TSNARE1: variants seen among roughly 807,000 people sequenced by gnomAD.
The protein encoded by TSNARE1 is t-SNARE domain-containing protein 1.
Under a neutral mutation model 62.0 loss-of-function variants are expected in TSNARE1, and 49 were observed. The observed-to-expected ratio is 0.79, with a 90% confidence interval of 0.63 to 1.00. The LOEUF is 1.00. Among genes scored for constraint, TSNARE1 ranks in the 50% least tolerant of loss-of-function variants. The pLI is 0.00. For missense variants in TSNARE1, 755 were observed against 700.1 expected, an observed-to-expected ratio of 1.08 and a Z score of -0.88; for synonymous variants, 328 against 294.4, an observed-to-expected ratio of 1.11 and a Z score of -1.17.
At chr8:142,244,041 C>T (rs948356688) in intron 12 of TSNARE1, among the ~76,000 whole-genome samples, 1 of 152,160 alleles carries the variant, frequency 6.6e-6, no homozygotes, top group Non-Finnish European at 1.5e-5. Context: ...AAAAAATTAG[C>T]CGGGCGTGGT....
intron 6 of TSNARE1, among the ~76,000 whole-genome samples, chr8:142,330,613 C>A (rs1830872846): frequency 6.6e-6 from 1 of 152,228 alleles, no homozygotes; most frequent in East Asian, 1.9e-4. Context: ...CAGGCATGCA[C>A]CCCCTGACCT....
intron 10 of TSNARE1, among the ~76,000 whole-genome samples, chr8:142,293,437 A>G (rs1824150746): frequency 6.6e-6 from 1 of 151,942 alleles, no homozygotes; most frequent in Non-Finnish European, 1.5e-5. Context: ...AGGCAGTTAC[A>G]CTCCACCGTG....
At chr8:142,327,820 C>T (rs959653204) in intron 6 of TSNARE1, among the ~76,000 whole-genome samples, 1 of 152,224 alleles carries the variant, frequency 6.6e-6, no homozygotes, top group East Asian at 1.9e-4. Flanking sequence ...ACGCAAGTCC[C>T]GGGCCAGGAA....
intron 13 of TSNARE1, among the ~76,000 whole-genome samples, chr8:142,218,413 T>C (rs1009697829): frequency 1.3e-5 from 2 of 152,152 alleles, no homozygotes; most frequent in African/African-American, 4.8e-5. Flanking sequence ...CTTCACTGTG[T>C]GGGTTTCTAG....
chr8:142,402,038 A>C (rs947333153), intron 1 of TSNARE1, among the ~76,000 whole-genome samples: 3 of 152,158 alleles, frequency 2.0e-5, no homozygotes, highest in African/African-American at 7.2e-5. Flanking sequence ...AATGACAAAC[A>C]AGAAATACTG....
At chr8:142,274,966 C>G (rs1820208479) in intron 11 of TSNARE1, 103 bp from the exon 12 acceptor site, 6 of 1,396,328 alleles carry the variant, frequency 4.3e-6, no homozygotes, top group Non-Finnish European at 5.6e-6. Context: ...AGCCCAGGGC[C>G]TGCAGAGGAG....
At chr8:142,389,548 A>G (rs1019087154) in intron 1 of TSNARE1, among the ~76,000 whole-genome samples, 3 of 152,218 alleles carry the variant, frequency 2.0e-5, no homozygotes, top group Non-Finnish European at 4.4e-5. Context: ...GTAATAGGAA[A>G]AGATCGAAAG....
chr8:142,375,351 C>T (rs1304192353), intron 1 of TSNARE1, among the ~76,000 whole-genome samples: 4 of 152,186 alleles, frequency 2.6e-5, no homozygotes, highest in African/African-American at 9.6e-5. Context: ...CGGGGGAGGG[C>T]GGGTAGCAGG....
At chr8:142,358,132 G>A (rs145058743) in intron 1 of TSNARE1, among the ~76,000 whole-genome samples, 1 of 75,494 alleles carries the variant, frequency 1.3e-5, no homozygotes, top group African/African-American at 8.8e-5. Context: ...TGCAAAGGGC[G>A]GCAGGGTCTG....
intron 11 of TSNARE1, 53 bp downstream of exon 11, chr8:142,284,360 G>A: frequency 6.8e-7 from 1 of 1,460,230 alleles, no homozygotes; most frequent in South Asian, 1.1e-5. Flanking sequence ...GCTGGGGGCT[G>A]GCAGGCAGGC....
In TSNARE1 at chr8:142,272,047, G is replaced by A. The variant is rs566073294; in HGVS notation, c.1446+2734C>T. On this transcript the variant is annotated intron_variant, in intron 12 of 13. Transcript: ENST00000524325. ...GTCTACCCGCCATCCTGCTACCCAA[G>A]TGTCTATTCCTCCACATAGACACGC... Among the ~76,000 whole-genome samples the A allele has an allele frequency of 4.6e-5, 7 of 152,078 alleles. No individual in the cohort carries two copies. The South Asian group carries it at 1.5e-3, about 32-fold the overall frequency.
chr8:142,286,359 A>G (rs1034518202), intron 10 of TSNARE1, among the ~76,000 whole-genome samples: 8 of 152,130 alleles, frequency 5.3e-5, no homozygotes, highest in African/African-American at 1.9e-4. Flanking sequence ...AAGGGAATTC[A>G]TTTTCTCTTT....
chr8:142,288,916 T>C (rs1379644832), intron 10 of TSNARE1, among the ~76,000 whole-genome samples: 1 of 152,228 alleles, frequency 6.6e-6, no homozygotes, highest in African/African-American at 2.4e-5. Context: ...GGCTCATGCG[T>C]CCCAGCTTCA....
At chr8:142,222,563 TTCACTCACTCAG>T (rs1816397238) in intron 13 of TSNARE1, among the ~76,000 whole-genome samples, 3 of 55,380 alleles carry the variant, frequency 5.4e-5, no homozygotes, top group African/African-American at 8.5e-5. Context: ...CACTCACTCA[TTCACTCACTCAG>T]CCACTCATTC....
intron 11 of TSNARE1, chr8:142,276,885 C>T: frequency 3.0e-6 from 3 of 985,456 alleles, no homozygotes; most frequent in Non-Finnish European, 3.6e-6. Context: ...AACCACTGCC[C>T]AGCTCCGCAG....
chr8:142,317,943 G>A (rs1034877017), intron 7 of TSNARE1, among the ~76,000 whole-genome samples: 2 of 152,168 alleles, frequency 1.3e-5, no homozygotes, highest in Non-Finnish European at 2.9e-5. Context: ...GGGAGACAGA[G>A]CAAGACTCCG....
At chr8:142,391,075 TCTAA>T (rs1186012598) in intron 1 of TSNARE1, among the ~76,000 whole-genome samples, 2 of 145,510 alleles carry the variant, frequency 1.4e-5, no homozygotes, top group Non-Finnish European at 3.0e-5. Flanking sequence ...TGCGGGGGAC[TCTAA>T]CAGACGCTGT....
intron 12 of TSNARE1, chr8:142,274,149 C>T (rs1178356197): frequency 2.0e-6 from 2 of 985,266 alleles, no homozygotes; most frequent in Non-Finnish European, 2.4e-6. Context: ...CATCTCTGCC[C>T]GTCAGGGCCA....
chr8:142,271,569 G>C, intron 12 of TSNARE1: 2 of 1,409,344 alleles, frequency 1.4e-6, no homozygotes, highest in African/African-American at 3.0e-5. Flanking sequence ...GGTGGGGAGG[G>C]TGAGGAGGTG....
Sources: allele counts gnomAD v4.1 joint callset (sites outside exome capture counted in the v4.1 genomes callset), GRCh38; gene constraint gnomAD v4.1.1; transcripts MANE v1.5; gene names NCBI Gene and HGNC (gene_info 2026-07-23, HGNC 2026-07-21).